Variants in MTCL3 observed in about 807,000 individuals in gnomAD.
The protein encoded by MTCL3 is MTCL family member 3.
the MTCL3 span, among the ~76,000 whole-genome samples, chr6:127,490,850 A>G: frequency 5.3e-5 from 8 of 152,116 alleles, no homozygotes; most frequent in African/African-American, 1.9e-4. Flanking sequence ...AACACACACA[A>G]AAAAGAATAT....
At chr6:127,499,233 G>GAACT in the MTCL3 span, among the ~76,000 whole-genome samples, 1 of 152,108 alleles carries the variant, frequency 6.6e-6, no homozygotes, top group African/African-American at 2.4e-5. Context: ...TGGCCTCTAT[G>GAACT]AACTAACAAG....
chr6:127,490,683 G>A, the MTCL3 span, among the ~76,000 whole-genome samples: 1 of 152,110 alleles, frequency 6.6e-6, no homozygotes, highest in South Asian at 2.1e-4. Flanking sequence ...CTAGTGTAGT[G>A]ATGCGTGCCT....
the MTCL3 span, chr6:127,516,378 T>TTGCTGCTGCTGCAGC: frequency 2.5e-6 from 4 of 1,600,900 alleles, no homozygotes; most frequent in East Asian, 4.5e-5. Context: ...TACCCTGCTG[T>TTGCTGCTGCTGCAGC]TGCTGCTGCT....
chr6:127,516,588 A>G, the MTCL3 span: 1 of 1,597,170 alleles, frequency 6.3e-7, no homozygotes. Context: ...TGGCAGGGGC[A>G]GCGCCCCCGA....
the MTCL3 span, among the ~76,000 whole-genome samples, chr6:127,510,870 C>T: frequency 7.9e-5 from 12 of 152,162 alleles, no homozygotes; most frequent in Admixed American, 2.6e-4. Context: ...GAAGTCCTAA[C>T]CCCCAGCTGC....
At chr6:127,494,373 G>GA in the MTCL3 span, among the ~76,000 whole-genome samples, 153 of 150,680 alleles carry the variant, frequency 1.0e-3, 1 homozygote, top group African/African-American at 3.3e-3. Context: ...TCAGAAAGAA[G>GA]AAAAAAAAAT....
chr6:127,488,116 C>T, the MTCL3 span, among the ~76,000 whole-genome samples: 6 of 152,088 alleles, frequency 3.9e-5, no homozygotes, highest in African/African-American at 1.4e-4. Flanking sequence ...GGCATCCTTG[C>T]AGTTCCTCAA....
the MTCL3 span, among the ~76,000 whole-genome samples, chr6:127,499,895 T>C: frequency 6.6e-6 from 1 of 152,200 alleles, no homozygotes; most frequent in Non-Finnish European, 1.5e-5. Flanking sequence ...ACCACATTTT[T>C]AGGCAGTAGC....
the MTCL3 span, chr6:127,517,571 GA>G: frequency 4.6e-5 from 7 of 152,172 alleles, no homozygotes; most frequent in Non-Finnish European, 8.8e-5. Context: ...TTGCTAGATA[GA>G]AAATATTTTC....
At chr6:127,518,355 G>C in the MTCL3 span, among the ~76,000 whole-genome samples, 2 of 152,244 alleles carry the variant, frequency 1.3e-5, no homozygotes, top group Non-Finnish European at 2.9e-5. Context: ...GCGAAAGCTT[G>C]TGTTCCAGTA....
the MTCL3 span, chr6:127,473,365 A>T: frequency 1.9e-6 from 3 of 1,539,944 alleles, no homozygotes; most frequent in Non-Finnish European, 2.6e-6. Context: ...CAAGAATGAG[A>T]ATAAGTAAAA....
At chr6:127,504,293 T>C in the MTCL3 span, among the ~76,000 whole-genome samples, 1 of 152,182 alleles carries the variant, frequency 6.6e-6, no homozygotes, top group Admixed American at 6.5e-5. Context: ...TATGTGAAGC[T>C]ATAGTCAAAA....
the MTCL3 span, chr6:127,481,545 T>G: frequency 1.2e-6 from 1 of 857,604 alleles, no homozygotes; most frequent in Non-Finnish European, 1.4e-6. Context: ...ATAGTTAATA[T>G]GTTATGCTTT....
At chr6:127,483,496 G>A in the MTCL3 span, among the ~76,000 whole-genome samples, 1 of 152,154 alleles carries the variant, frequency 6.6e-6, no homozygotes, top group East Asian at 1.9e-4. Flanking sequence ...GATAGGGCAT[G>A]GTAGGGGTTG....
At chr6:127,491,580 C>A in the MTCL3 span, among the ~76,000 whole-genome samples, 2 of 152,078 alleles carry the variant, frequency 1.3e-5, no homozygotes, top group Admixed American at 6.5e-5. Context: ...ACTGGGAAAC[C>A]AAACAATAGT....
the MTCL3 span, among the ~76,000 whole-genome samples, chr6:127,493,924 A>G: frequency 6.6e-6 from 1 of 152,176 alleles, no homozygotes; most frequent in Non-Finnish European, 1.5e-5. Flanking sequence ...TTGACGACAG[A>G]GTTATGTGAA....
chr6:127,479,726 C>T, the MTCL3 span, among the ~76,000 whole-genome samples: 1 of 151,846 alleles, frequency 6.6e-6, no homozygotes, highest in Non-Finnish European at 1.5e-5. Context: ...GCATCAAGGG[C>T]TAATGGTCAT....
chr6:127,493,654 G>C, the MTCL3 span, among the ~76,000 whole-genome samples: 1 of 152,132 alleles, frequency 6.6e-6, no homozygotes, highest in Non-Finnish European at 1.5e-5. Flanking sequence ...GCCAGGTACC[G>C]TTCCTATCTT....
chr6:127,476,318 G>A, the MTCL3 span: 3 of 1,614,168 alleles, frequency 1.9e-6, no homozygotes, highest in Non-Finnish European at 2.5e-6. This position sits in a 1 kb window ranked among gnomAD's most constrained non-coding sequence, Gnocchi z 4.4. Context: ...TTGGGCAAAG[G>A]ACTGTCCAGA....
Sources: gnomAD v4.1 joint callset for allele counts (sites outside exome capture counted in the v4.1 genomes callset) on GRCh38, gnomAD v4.1.1 for gene constraint, Gnocchi (gnomAD v3.1) non-coding constraint, MANE v1.5 for transcripts, NCBI Gene and HGNC (gene_info 2026-07-23, HGNC 2026-07-21) for gene names.